CLPB: variants seen among roughly 807,000 people sequenced by gnomAD.
The protein encoded by CLPB is ClpB family mitochondrial disaggregase.
A neutral mutation model predicts 78.4 loss-of-function variants in CLPB; 40 were observed. That is an observed-to-expected ratio of 0.51 (90% confidence interval 0.40 to 0.66). The LOEUF is 0.66. Ranked by LOEUF, CLPB falls within the 30% of genes least tolerant of loss-of-function variation. The pLI is 0.00. For synonymous variants in CLPB, 333 were observed against 348.0 expected (o/e 0.96, Z 0.48); for missense variants, 780 against 886.9 (o/e 0.88, Z 1.53).
At chr11:72,339,571 C>T (rs879742409) in intron 5 of CLPB, among the ~76,000 whole-genome samples, 4 of 152,156 alleles carry the variant, frequency 2.6e-5, no homozygotes, top group Non-Finnish European at 5.9e-5. Context: ...AGGTTTCCTA[C>T]TTATATACTG....
intron 4 of CLPB, among the ~76,000 whole-genome samples, chr11:72,379,029 G>A (rs912171871): frequency 1.3e-5 from 2 of 152,176 alleles, no homozygotes; most frequent in Non-Finnish European, 2.9e-5. Context: ...AAGGGAGAGG[G>A]TAACTTCAAA....
chr11:72,433,395 C>G (rs760689214), intron 1 of CLPB, among the ~76,000 whole-genome samples: 4 of 151,988 alleles, frequency 2.6e-5, no homozygotes, highest in Admixed American at 6.6e-5. Flanking sequence ...CAAAAATTAG[C>G]TGGGTGTGGT....
At chr11:72,400,765 G>A (rs1344654851) in intron 3 of CLPB, among the ~76,000 whole-genome samples, 2 of 152,202 alleles carry the variant, frequency 1.3e-5, no homozygotes, top group Non-Finnish European at 2.9e-5. Flanking sequence ...TTTATAACCT[G>A]TAGCACATAC....
chr11:72,345,630 T>A (rs1167062005), intron 5 of CLPB, among the ~76,000 whole-genome samples: 1 of 152,176 alleles, frequency 6.6e-6, no homozygotes. Context: ...TTTGGTACCT[T>A]TGACTTTTAG....
chr11:72,371,446 T>C (rs1000404781), intron 4 of CLPB, among the ~76,000 whole-genome samples: 1 of 151,722 alleles, frequency 6.6e-6, no homozygotes, highest in African/African-American at 2.4e-5. Context: ...TAGGAATTGC[T>C]TGAACCCAGG....
chr11:72,317,788 A>C (rs979296806), intron 6 of CLPB, among the ~76,000 whole-genome samples: 1 of 152,200 alleles, frequency 6.6e-6, no homozygotes, highest in Non-Finnish European at 1.5e-5. Flanking sequence ...GGCCATGATG[A>C]AAGGGTGGGG....
At chr11:72,371,484 A>G (rs1226027389) in intron 4 of CLPB, among the ~76,000 whole-genome samples, 1 of 151,878 alleles carries the variant, frequency 6.6e-6, no homozygotes, top group Non-Finnish European at 1.5e-5. Flanking sequence ...AGCTGAGATC[A>G]TGCCACTCAC....
At chr11:72,337,266 C>G (rs1950339287) in intron 5 of CLPB, 1 of 397,308 alleles carries the variant, frequency 2.5e-6, no homozygotes, top group Admixed American at 4.4e-5. Flanking sequence ...CGTATGTACA[C>G]AGACATTCAC....
intron 4 of CLPB, among the ~76,000 whole-genome samples, chr11:72,371,533 A>AAAAATAAAATAAAATAAAAT (rs5792587): frequency 8.1e-4 from 102 of 126,220 alleles, no homozygotes; most frequent in Admixed American, 9.1e-4. Flanking sequence ...ACTCTGTCTC[A>AAAAATAAAATAAAATAAAAT]AAAATAAAAT....
At chr11:72,352,348 T>G (rs1950629250) in intron 5 of CLPB, 1 of 152,248 alleles carries the variant, frequency 6.6e-6, no homozygotes, top group Non-Finnish European at 1.5e-5. Context: ...CATTGCAGGA[T>G]AAGTCCAGTC....
chr11:72,434,518 T>A lies in CLPB; in HGVS notation c.-44A>T. The A allele has an allele frequency of 4.0e-6, 6 of 1,511,960 alleles. No individual in the cohort carries two copies. The highest frequency in any genetic ancestry group is 5.3e-6 in the Non-Finnish European group (6 of 1,130,730). 93.7% of individuals were successfully genotyped at this position (1,511,960 alleles called of 1,614,324 possible). On this transcript the variant is annotated 5_prime_UTR_variant, in exon 1 of 16. Coordinates refer to ENST00000538039, the MANE Select transcript of CLPB (RefSeq NM_001258392.3). ...AACCCCGTGGTGCCGGCCCCTGTGC[T>A]GACCACGTCCAACATGGCTGCCGCG...
At chr11:72,432,787 C>A (rs1856585162) in intron 1 of CLPB, among the ~76,000 whole-genome samples, 1 of 152,136 alleles carries the variant, frequency 6.6e-6, no homozygotes. Flanking sequence ...AACAAGATCC[C>A]CAGTGTTGTC....
intron 5 of CLPB, among the ~76,000 whole-genome samples, chr11:72,331,361 G>A (rs950100059): frequency 8.6e-5 from 13 of 150,342 alleles, no homozygotes; most frequent in East Asian, 2.0e-4. Flanking sequence ...CAGAGATCGC[G>A]CCACTGCACT....
At chr11:72,376,598 C>A (rs1293638487) in intron 4 of CLPB, among the ~76,000 whole-genome samples, 1 of 151,216 alleles carries the variant, frequency 6.6e-6, no homozygotes, top group East Asian at 1.9e-4. Flanking sequence ...ATCTTGCAAG[C>A]CACAGTGAGT....
At chr11:72,424,759 A>G (rs561648117) in intron 2 of CLPB, among the ~76,000 whole-genome samples, 1 of 152,096 alleles carries the variant, frequency 6.6e-6, no homozygotes, top group African/African-American at 2.4e-5. Context: ...GTTGGCGGGC[A>G]CCTGTAGTCC....
At chr11:72,363,272 C>T (rs1226441848) in intron 4 of CLPB, 1 of 152,246 alleles carries the variant, frequency 6.6e-6, no homozygotes, top group Non-Finnish European at 1.5e-5. Flanking sequence ...TAAGAGTCAT[C>T]TGTTTCACTG....
In CLPB at chr11:72,291,685, G is replaced by T. The variant is rs1174883793; in HGVS notation, c.*1682C>A. The T allele has an allele frequency of 6.6e-6, 1 of 151,946 alleles. No individual in the cohort carries two copies. The highest frequency in any genetic ancestry group is 1.9e-4 in the East Asian group (1 of 5,176). The allele number at this position is 151,946 out of a possible 1,614,324, so 9.4% of individuals were successfully genotyped here. Reference sequence around the variant, plus strand: ...GAGATGCTAGATGAAAGATACATGGGAATTTTCTACTATTTCTGCAACTTT... The same window carrying T: ...GAGATGCTAGATGAAAGATACATGGTAATTTTCTACTATTTCTGCAACTTT... On this transcript the variant is annotated 3_prime_UTR_variant, in exon 16 of 16. Coordinates refer to ENST00000538039, the MANE Select transcript of CLPB (RefSeq NM_001258392.3).
chr11:72,298,620 C>T (rs1255692497), intron 11 of CLPB, among the ~76,000 whole-genome samples: 3 of 152,246 alleles, frequency 2.0e-5, no homozygotes, highest in African/African-American at 7.2e-5. Context: ...ACCTCAGCCT[C>T]CTGAGTAGTG....
At chr11:72,418,407 A>G (rs967179583) in intron 2 of CLPB, among the ~76,000 whole-genome samples, 1 of 152,236 alleles carries the variant, frequency 6.6e-6, no homozygotes, top group Admixed American at 6.5e-5. Context: ...GAGGCAGGTC[A>G]ATTATCATCC....
Sources: gnomAD v4.1 joint callset for allele counts (sites outside exome capture counted in the v4.1 genomes callset) on GRCh38, gnomAD v4.1.1 for gene constraint, MANE v1.5 for transcripts, NCBI Gene and HGNC (gene_info 2026-07-23, HGNC 2026-07-21) for gene names.